Variants in KLHL32 observed in about 807,000 individuals in gnomAD.
The protein encoded by KLHL32 is kelch-like protein 32.
A neutral mutation model predicts 64.8 loss-of-function variants in KLHL32; 35 were observed. The ratio of observed to expected loss-of-function variants is 0.54; its 90% CI spans 0.41 to 0.72. KLHL32 has a LOEUF of 0.72. Among genes scored for constraint, KLHL32 ranks in the 30% least tolerant of loss-of-function variants. The probability of loss-of-function intolerance (pLI) is 0.00; values close to 1 mark genes in which losing one functional copy is unlikely to be tolerated. For missense variants in KLHL32, 589 were observed against 768.5 expected (o/e 0.77, Z 2.76); for synonymous variants, 259 against 281.0 (o/e 0.92, Z 0.78).
chr6:97,127,619 C>CT, intron 8 of KLHL32, among the ~76,000 whole-genome samples, 157 bp downstream of exon 8: 1 of 152,168 alleles, frequency 6.6e-6, no homozygotes, highest in South Asian at 2.1e-4. Flanking sequence ...TTTTTGGTTC[C>CT]TTTTTTTGTT....
intron 4 of KLHL32, among the ~76,000 whole-genome samples, chr6:97,045,114 G>T (rs1785725477): frequency 6.6e-6 from 1 of 152,112 alleles, no homozygotes; most frequent in South Asian, 2.1e-4. Context: ...AACTCTGGCA[G>T]CTAGAAGAAA....
At chr6:96,959,674 G>T (rs1418293780) in intron 1 of KLHL32, among the ~76,000 whole-genome samples, 2 of 152,104 alleles carry the variant, frequency 1.3e-5, no homozygotes, top group African/African-American at 4.8e-5. Flanking sequence ...ATTGTGGGGG[G>T]ACACAATTCA....
chr6:96,958,052 C>T (rs1279131002), intron 1 of KLHL32, among the ~76,000 whole-genome samples: 1 of 152,098 alleles, frequency 6.6e-6, no homozygotes. Context: ...GGATCCTGCC[C>T]ATATAGACAG....
At chr6:96,922,278 G>A (rs1768775488), upstream of KLHL32, among the ~76,000 whole-genome samples, 1 of 152,064 alleles carries the variant, frequency 6.6e-6, no homozygotes, top group African/African-American at 2.4e-5. Flanking sequence ...AATCAATTGG[G>A]ACTCACCCAT....
chr6:96,937,848 A>T (rs1428046023), intron 1 of KLHL32, among the ~76,000 whole-genome samples: 1 of 152,024 alleles, frequency 6.6e-6, no homozygotes. Flanking sequence ...TGTGGCTTCC[A>T]TCATGTCACT....
chr6:97,118,170 G>A (rs79584682), intron 7 of KLHL32, among the ~76,000 whole-genome samples: 2,897 of 152,244 alleles, frequency 0.019, 84 homozygotes, highest in African/African-American at 0.067. Flanking sequence ...TATGAAGTTT[G>A]CATTGCCCCA....
intron 6 of KLHL32, among the ~76,000 whole-genome samples, chr6:97,110,138 C>A (rs1796928972): frequency 6.6e-6 from 1 of 152,152 alleles, no homozygotes; most frequent in Non-Finnish European, 1.5e-5. Context: ...CTGGCAGAGA[C>A]CTGGTGATTG....
At chr6:96,963,650 C>T (rs540582283) in intron 1 of KLHL32, among the ~76,000 whole-genome samples, 5 of 152,230 alleles carry the variant, frequency 3.3e-5, no homozygotes, top group East Asian at 1.9e-4. Context: ...TCCTCCTTCC[C>T]GGGTTCATTA....
intron 6 of KLHL32, 79 bp from the exon 7 acceptor site, chr6:97,113,704 G>T: frequency 6.6e-7 from 1 of 1,508,994 alleles, no homozygotes; most frequent in African/African-American, 1.4e-5. Context: ...AAGAATACAG[G>T]TAACCTACCT....
chr6:97,096,759 T>C (rs1395229299), intron 6 of KLHL32, among the ~76,000 whole-genome samples: 2 of 152,258 alleles, frequency 1.3e-5, no homozygotes, highest in African/African-American at 4.8e-5. Flanking sequence ...TCTTTTGAGC[T>C]CTTAATGTTC....
intron 5 of KLHL32, among the ~76,000 whole-genome samples, chr6:97,076,818 G>A (rs371568812): frequency 2.0e-5 from 3 of 151,748 alleles, no homozygotes; most frequent in East Asian, 1.9e-4. Flanking sequence ...TTCTAGGCAC[G>A]TACCTTTATT....
chr6:96,936,700 T>G (rs1770644159), intron 1 of KLHL32, among the ~76,000 whole-genome samples: 1 of 152,228 alleles, frequency 6.6e-6, no homozygotes, highest in Admixed American at 6.5e-5. Context: ...GCCAAAAATT[T>G]TGTTTTAAAA....
intron 1 of KLHL32, among the ~76,000 whole-genome samples, chr6:96,957,821 A>C (rs1431485227): frequency 6.6e-6 from 1 of 152,232 alleles, no homozygotes; most frequent in East Asian, 1.9e-4. Context: ...CCTTATCCTT[A>C]TTCTTATATA....
At chr6:97,040,744 C>T (rs145273221) in intron 3 of KLHL32, among the ~76,000 whole-genome samples, 145 of 152,250 alleles carry the variant, frequency 9.5e-4, no homozygotes, top group African/African-American at 3.4e-3. Context: ...AGGGAGAGAC[C>T]AGATGGAGGG....
chr6:97,114,277 C>T lies in KLHL32; in HGVS notation c.1122C>T (p.Arg374=). The part of the protein sequence containing the change: ...AVRTACRYDP[R]SNSWAEIAPM... ...GGACTGCCTGTCGCTATGACCCCCG[C>T]AGTAATTCCTGGGCAGAGATAGCAC... is the stretch of plus-strand genomic sequence containing the variant. The change falls in exon 7 of 11, where the codon CGC becomes CGT. Residue 374 remains arginine (R), a synonymous_variant. Transcript: ENST00000369261. The T allele has an allele frequency of 1.2e-6, 2 of 1,614,146 alleles. No individual in the cohort carries two copies. Among genetic ancestry groups the T allele is most frequent in the African/African-American group, 2.7e-5 (2 of 75,042 alleles).
chr6:97,067,518 T>C (rs1789986130), intron 5 of KLHL32, among the ~76,000 whole-genome samples: 1 of 152,182 alleles, frequency 6.6e-6, no homozygotes, highest in South Asian at 2.1e-4. Context: ...TCTGCTTGTT[T>C]CTAGCCTCAA....
chr6:96,901,312 T>C, the KLHL32 span, among the ~76,000 whole-genome samples: 6 of 146,748 alleles, frequency 4.1e-5, no homozygotes, highest in East Asian at 1.0e-3. Context: ...AGCAGAGATA[T>C]ATTCCTCCTG....
intron 1 of KLHL32, among the ~76,000 whole-genome samples, chr6:96,948,205 G>A (rs1186518379): frequency 6.6e-6 from 1 of 152,136 alleles, no homozygotes; most frequent in Non-Finnish European, 1.5e-5. Context: ...TGTACAATGA[G>A]CGGTGTGAAT....
intron 3 of KLHL32, among the ~76,000 whole-genome samples, chr6:96,981,682 G>A (rs1776327013): frequency 6.6e-6 from 1 of 151,908 alleles, no homozygotes; most frequent in Non-Finnish European, 1.5e-5. Flanking sequence ...TTTGATATGG[G>A]CATTTAGTAC....
Sources: allele counts gnomAD v4.1 joint callset (sites outside exome capture counted in the v4.1 genomes callset), GRCh38; gene constraint gnomAD v4.1.1; transcripts MANE v1.5; gene names NCBI Gene and HGNC (gene_info 2026-07-23, HGNC 2026-07-21).